The following DMD variants were observed in gnomAD, a reference collection of about 807,000 sequenced individuals.
The protein encoded by DMD is mutant dystrophin.
DMD carries 63 observed loss-of-function variants against 330.1 expected under a neutral mutation model. That is an observed-to-expected ratio of 0.19 (90% CI 0.16 to 0.24). DMD has a LOEUF of 0.24. Among genes scored for constraint, DMD ranks in the 10% least tolerant of loss-of-function variants. DMD has a pLI of 1.00. For missense variants in DMD, 3,344 were observed against 2,684.1 expected, an observed-to-expected ratio of 1.25 and a Z score of -5.43; for synonymous variants, 1,223 against 959.8, an observed-to-expected ratio of 1.27 and a Z score of -5.07.
chrX:31,978,290 CT>C (rs1017953989), intron 44 of DMD, among the ~76,000 whole-genome samples: 3 of 109,005 alleles, frequency 2.8e-5, no homozygotes, highest in South Asian at 3.9e-4. Context: ...TGTTTTGTCC[CT>C]TTTTTTTTCA....
At chrX:32,732,115 G>A (rs1011973345) in intron 7 of DMD, among the ~76,000 whole-genome samples, 1 of 111,998 alleles carries the variant, frequency 8.9e-6, no homozygotes, top group Admixed American at 9.5e-5. Flanking sequence ...CGTGAAGAAT[G>A]CAGAAGCCTC....
chrX:31,714,572 T>C (rs1460905652), intron 52 of DMD, among the ~76,000 whole-genome samples: 1 of 111,628 alleles, frequency 9.0e-6, no homozygotes, highest in East Asian at 2.8e-4. Context: ...TAGACAACTG[T>C]ATACATATGC....
chrX:33,084,573 C>G (rs1361692723), intron 1 of DMD, among the ~76,000 whole-genome samples: 1 of 111,097 alleles, frequency 9.0e-6, no homozygotes, highest in African/African-American at 3.3e-5. Flanking sequence ...GGGTGGAGGC[C>G]ACAAGATCAG....
At chrX:32,523,185 T>G (rs1251892082) in intron 17 of DMD, among the ~76,000 whole-genome samples, 1 of 111,215 alleles carries the variant, frequency 9.0e-6, no homozygotes, top group African/African-American at 3.3e-5. Flanking sequence ...AGTATGGCAC[T>G]TTGGCATGCT....
chrX:31,622,877 T>TATATATATATATAC (rs1361969125), intron 55 of DMD, among the ~76,000 whole-genome samples: 2 of 70,327 alleles, frequency 2.8e-5, no homozygotes, highest in East Asian at 9.2e-4. Flanking sequence ...TATATATATA[T>TATATATATATATAC]ACACACACAC....
At chrX:31,928,268 G>A (rs912227326) in intron 47 of DMD, among the ~76,000 whole-genome samples, 1 of 111,283 alleles carries the variant, frequency 9.0e-6, no homozygotes, top group Non-Finnish European at 1.9e-5. Flanking sequence ...GAGAGAAAGG[G>A]GAACTATTGC....
At chrX:31,730,065 A>G (rs1211160929) in intron 51 of DMD, among the ~76,000 whole-genome samples, 1 of 112,145 alleles carries the variant, frequency 8.9e-6, no homozygotes, top group Non-Finnish European at 1.9e-5. Context: ...CTGAATTACG[A>G]CAATGTATTT....
chrX:31,270,892 A>C (rs958511076), intron 62 of DMD, among the ~76,000 whole-genome samples: 2 of 111,458 alleles, frequency 1.8e-5, no homozygotes, highest in African/African-American at 6.5e-5. Flanking sequence ...ATGATACAAT[A>C]AGGTTCCAAC....
chrX:31,550,881 A>G (rs1384317043), intron 55 of DMD, among the ~76,000 whole-genome samples: 2 of 111,814 alleles, frequency 1.8e-5, no homozygotes, highest in African/African-American at 3.3e-5. Flanking sequence ...GGAAGAAACA[A>G]TCCAGAGTTC....
chrX:32,749,921 C>T (rs1275368761), intron 7 of DMD, among the ~76,000 whole-genome samples: 1 of 112,412 alleles, frequency 8.9e-6, no homozygotes, highest in Non-Finnish European at 1.9e-5. Flanking sequence ...GTTATATGAA[C>T]CAATGAATCA....
intron 41 of DMD, among the ~76,000 whole-genome samples, chrX:32,337,959 T>C (rs1364588983): frequency 9.0e-6 from 1 of 111,708 alleles, no homozygotes; most frequent in Non-Finnish European, 1.9e-5. Context: ...TTTACACAAA[T>C]ATATTGCTTA....
chrX:32,940,621 A>C (rs2090341596), intron 2 of DMD, among the ~76,000 whole-genome samples: 1 of 111,606 alleles, frequency 9.0e-6, no homozygotes, highest in Non-Finnish European at 1.9e-5. Flanking sequence ...ATGAAACTGG[A>C]TCCCTAATTT....
At chrX:31,871,050 G>A (rs995439112) in intron 48 of DMD, among the ~76,000 whole-genome samples, 3 of 111,472 alleles carry the variant, frequency 2.7e-5, no homozygotes, top group South Asian at 7.6e-4. Context: ...AACTGGTCCC[G>A]GGATCTTAGC....
intron 7 of DMD, among the ~76,000 whole-genome samples, chrX:32,763,612 T>G (rs753844452): frequency 9.0e-6 from 1 of 111,707 alleles, no homozygotes; most frequent in Non-Finnish European, 1.9e-5. Flanking sequence ...ACATACAAAG[T>G]AAAAATTTTC....
intron 2 of DMD, among the ~76,000 whole-genome samples, chrX:32,885,458 T>G (rs2084424933): frequency 8.9e-6 from 1 of 111,808 alleles, no homozygotes; most frequent in Non-Finnish European, 1.9e-5. Context: ...TTTTCATAAA[T>G]ATTAAGCTTC....
intron 19 of DMD, among the ~76,000 whole-genome samples, chrX:32,493,538 G>A (rs2043205096): frequency 9.0e-6 from 1 of 111,617 alleles, no homozygotes; most frequent in Non-Finnish European, 1.9e-5. Flanking sequence ...GTTTTTGATC[G>A]TTAGATTTTG....
chrX:31,260,297 T>C (rs780986901), intron 63 of DMD, among the ~76,000 whole-genome samples: 1 of 112,044 alleles, frequency 8.9e-6, no homozygotes, highest in Non-Finnish European at 1.9e-5. Context: ...GAATATTCCT[T>C]GTAGATCTAA....
At chrX:32,921,416 GT>G (rs2088384655) in intron 2 of DMD, among the ~76,000 whole-genome samples, 1 of 111,964 alleles carries the variant, frequency 8.9e-6, no homozygotes, top group Non-Finnish European at 1.9e-5. Context: ...AAAAGACATA[GT>G]TTCATAGTTT....
chrX:31,215,165 A>G (rs1306883007), intron 64 of DMD, among the ~76,000 whole-genome samples: 3 of 106,201 alleles, frequency 2.8e-5, no homozygotes, highest in African/African-American at 1.0e-4. Flanking sequence ...ATGGCCTCGA[A>G]CTCCTGACCT....
Sources: gnomAD v4.1 joint callset for allele counts (sites outside exome capture counted in the v4.1 genomes callset) on GRCh38, gnomAD v4.1.1 for gene constraint, MANE v1.5 for transcripts, NCBI Gene and HGNC (gene_info 2026-07-23, HGNC 2026-07-21) for gene names.